SOX5: variants seen among roughly 807,000 people sequenced by gnomAD.
The protein encoded by SOX5 is SRY-box transcription factor 5, also known as transcription factor SOX-5.
A neutral mutation model predicts 92.0 loss-of-function variants in SOX5; 9 were observed. The observed-to-expected ratio is 0.10, with a 90% CI of 0.06 to 0.17. The LOEUF (loss-of-function observed/expected upper bound fraction) is 0.17, where lower values mean the gene tolerates loss of function less well. SOX5 is among the 10% of genes least tolerant of loss of function. SOX5 has a pLI of 1.00. For synonymous variants in SOX5, 344 were observed against 336.3 expected (o/e 1.02, Z -0.25); for missense variants, 642 against 944.5 (o/e 0.68, Z 4.20).
intron 4 of SOX5, among the ~76,000 whole-genome samples, chr12:24,195,630 G>A (rs1333843482): frequency 1.3e-5 from 2 of 152,130 alleles, no homozygotes; most frequent in Non-Finnish European, 2.9e-5. Flanking sequence ...TTGGACCTAT[G>A]TGGTCCAAAC....
chr12:23,640,783 T>C (rs1187601985), intron 8 of SOX5, 29 bp downstream of exon 8: 1 of 1,535,730 alleles, frequency 6.5e-7, no homozygotes, highest in Non-Finnish European at 9.0e-7. Flanking sequence ...ACTTAACCTT[T>C]GTCTCCTCTG....
chr12:23,972,049 G>A (rs1397490822), intron 4 of SOX5, among the ~76,000 whole-genome samples: 1 of 152,144 alleles, frequency 6.6e-6, no homozygotes, highest in East Asian at 1.9e-4. Context: ...ATTCAATGTA[G>A]TCTTATATAG....
chr12:24,104,666 T>C (rs905077671), intron 4 of SOX5, among the ~76,000 whole-genome samples: 2 of 152,302 alleles, frequency 1.3e-5, no homozygotes, highest in South Asian at 2.1e-4. Flanking sequence ...TACATGCCAG[T>C]GAGGAGTGTG....
chr12:24,300,153 T>C (rs1947788821), intron 2 of SOX5, among the ~76,000 whole-genome samples: 1 of 152,236 alleles, frequency 6.6e-6, no homozygotes, highest in African/African-American at 2.4e-5. Flanking sequence ...ATGCTACGTC[T>C]TTAATAGTCG....
chr12:23,903,574 C>T (rs376225945), intron 1 of SOX5, among the ~76,000 whole-genome samples: 2 of 152,032 alleles, frequency 1.3e-5, no homozygotes, highest in Non-Finnish European at 2.9e-5. Context: ...CAAAGTGAGA[C>T]CCTGTCTCAA....
chr12:24,042,385 T>C (rs1043324510), intron 4 of SOX5, among the ~76,000 whole-genome samples: 6 of 152,138 alleles, frequency 3.9e-5, no homozygotes, highest in Non-Finnish European at 8.8e-5. Flanking sequence ...GGAATCCCTC[T>C]TGAAATCATG....
At chr12:24,543,303 A>G (rs1952313678) in intron 1 of SOX5, among the ~76,000 whole-genome samples, 1 of 152,248 alleles carries the variant, frequency 6.6e-6, no homozygotes, top group Admixed American at 6.5e-5. Flanking sequence ...TGTGTAACCA[A>G]AAATGGACTT....
At chr12:24,058,816 T>C (rs1416250184) in intron 4 of SOX5, among the ~76,000 whole-genome samples, 1 of 136,092 alleles carries the variant, frequency 7.3e-6, no homozygotes, top group South Asian at 2.5e-4. Flanking sequence ...TAAATAAATA[T>C]AGTTCATGCA....
At chr12:24,260,705 A>G (rs1178954888) in intron 3 of SOX5, among the ~76,000 whole-genome samples, 3 of 152,190 alleles carry the variant, frequency 2.0e-5, no homozygotes, top group Non-Finnish European at 4.4e-5. Flanking sequence ...GAGAAGTTGG[A>G]TCACATGTCT....
intron 3 of SOX5, among the ~76,000 whole-genome samples, chr12:24,266,562 T>G (rs1943045352): frequency 6.6e-6 from 1 of 152,230 alleles, no homozygotes; most frequent in Non-Finnish European, 1.5e-5. Flanking sequence ...TTAATTTGAA[T>G]TACTTGATGA....
At chr12:24,358,852 A>C (rs1438969925) in intron 2 of SOX5, among the ~76,000 whole-genome samples, 1 of 152,198 alleles carries the variant, frequency 6.6e-6, no homozygotes, top group Non-Finnish European at 1.5e-5. Context: ...ATCTAAAATA[A>C]TATTTGCTAC....
At chr12:24,381,668 C>T (rs1033050616) in intron 1 of SOX5, among the ~76,000 whole-genome samples, 23 of 152,216 alleles carry the variant, frequency 1.5e-4, no homozygotes, top group African/African-American at 5.3e-4. Context: ...TTGCCTTACT[C>T]GTGAAATTGG....
rs112377176 is a variant in SOX5, at chr12:23,806,563, A to C, written c.481+39420T>G. ...GACTGAGGTGCTATTTTACAATGTA[A>C]AATTTATCCTTTTTCCACTAAAAAA... On this transcript the variant is annotated intron_variant, in intron 3 of 14. Coordinates refer to ENST00000451604, the MANE Select transcript of SOX5 (RefSeq NM_006940.6). Among the ~76,000 whole-genome samples, 703 of 151,332 alleles carry C rather than the reference A, an allele frequency of 4.6e-3. 3 individuals carry two copies. Among genetic ancestry groups the C allele is most frequent in the African/African-American group, 0.015 (637 of 41,202 alleles).
At chr12:23,738,219 G>A (rs1285307060) in intron 5 of SOX5, among the ~76,000 whole-genome samples, 3 of 152,308 alleles carry the variant, frequency 2.0e-5, no homozygotes, top group South Asian at 2.1e-4. Flanking sequence ...TATACCAGAA[G>A]TATTAGAATA....
Position 24,093,574 on chromosome 12 carries a change from C to A in SOX5, c.-2+119769G>T, listed in dbSNP as rs73275472. On this transcript the variant is annotated intron_variant, in intron 4 of 4. Transcript: ENST00000446891. Reference sequence around the variant, plus strand: ...AAAAATACTTCAACCATTCTCCATTCTGTTCAAAAAAGTTTCATCATATCA... The same window carrying A: ...AAAAATACTTCAACCATTCTCCATTATGTTCAAAAAAGTTTCATCATATCA... Among the ~76,000 whole-genome samples the A allele has an allele frequency of 7.8e-3, 1,184 of 151,448 alleles. 14 individuals carry two copies. Among genetic ancestry groups the A allele is most frequent in the African/African-American group, 0.027 (1,127 of 41,374 alleles).
chr12:23,856,181 A>G (rs2096686932), intron 2 of SOX5, among the ~76,000 whole-genome samples: 1 of 152,130 alleles, frequency 6.6e-6, no homozygotes, highest in African/African-American at 2.4e-5. Flanking sequence ...GGACCATCCC[A>G]CAGCACACAC....
At chr12:23,749,255 C>G (rs1742526698) in intron 4 of SOX5, among the ~76,000 whole-genome samples, 1 of 151,784 alleles carries the variant, frequency 6.6e-6, no homozygotes, top group African/African-American at 2.4e-5. Flanking sequence ...ATATAGATAC[C>G]CGTCAGAAGT....
intron 4 of SOX5, among the ~76,000 whole-genome samples, chr12:24,200,978 C>T (rs1224057567): frequency 6.6e-6 from 1 of 152,138 alleles, no homozygotes; most frequent in East Asian, 1.9e-4. Context: ...TGGTACCAGA[C>T]CTGGGAACCA....
intron 1 of SOX5, among the ~76,000 whole-genome samples, chr12:24,415,470 C>G (rs1161786690): frequency 6.6e-6 from 1 of 152,040 alleles, no homozygotes; most frequent in Non-Finnish European, 1.5e-5. Flanking sequence ...AAGCAAAAAC[C>G]CTGAAAATAC....
Sources: allele counts gnomAD v4.1 joint callset (sites outside exome capture counted in the v4.1 genomes callset), GRCh38; gene constraint gnomAD v4.1.1; transcripts MANE v1.5; gene names NCBI Gene and HGNC (gene_info 2026-07-23, HGNC 2026-07-21).